HEMK2: variants seen among roughly 807,000 people sequenced by gnomAD.
HEMK2 encodes the protein HemK methyltransferase 2, ETF1 glutamine and histone H4 lysine, also known as methyltransferase HEMK2.
chr21:28,841,190 A>AATAT, the HEMK2 span, among the ~76,000 whole-genome samples: 173 of 21,424 alleles, frequency 8.1e-3, 8 homozygotes, highest in East Asian at 0.075. Context: ...TATATATTAT[A>AATAT]ATATATATAT....
the HEMK2 span, among the ~76,000 whole-genome samples, chr21:28,838,972 A>AAAAAAAAATATATATATATATAT: frequency 6.9e-5 from 2 of 29,152 alleles, no homozygotes; most frequent in African/African-American, 1.9e-4. Flanking sequence ...AAAAAAAAAA[A>AAAAAAAAATATATATATATATAT]ATATATATAT....
At chr21:28,672,774 C>T in the HEMK2 span, among the ~76,000 whole-genome samples, 2 of 152,098 alleles carry the variant, frequency 1.3e-5, no homozygotes, top group African/African-American at 4.8e-5. Context: ...TCTCTCTTTC[C>T]ATTTTTCTTG....
the HEMK2 span, among the ~76,000 whole-genome samples, chr21:28,853,317 G>C: frequency 6.6e-6 from 1 of 152,102 alleles, no homozygotes; most frequent in South Asian, 2.1e-4. Context: ...TAAACTATTA[G>C]AACCTCTTTT....
At chr21:28,785,192 A>G in the HEMK2 span, among the ~76,000 whole-genome samples, 20 of 152,158 alleles carry the variant, frequency 1.3e-4, no homozygotes, top group Admixed American at 1.2e-3. Flanking sequence ...ACCACCTTTA[A>G]GAACTGTAAC....
chr21:28,605,174 A>C, the HEMK2 span, among the ~76,000 whole-genome samples: 3 of 152,200 alleles, frequency 2.0e-5, no homozygotes, highest in African/African-American at 7.2e-5. Context: ...TGGGAACCAG[A>C]AGCTTTGCAA....
the HEMK2 span, among the ~76,000 whole-genome samples, chr21:28,761,810 T>C: frequency 6.6e-6 from 1 of 151,834 alleles, no homozygotes; most frequent in Non-Finnish European, 1.5e-5. Context: ...ATCAAGAAGA[T>C]GAAAAGCAGC....
the HEMK2 span, among the ~76,000 whole-genome samples, chr21:28,660,573 C>A: frequency 6.6e-6 from 1 of 151,464 alleles, no homozygotes; most frequent in Non-Finnish European, 1.5e-5. Context: ...GGTTTATGAT[C>A]AAATTTTAAA....
chr21:28,824,359 T>C, the HEMK2 span, among the ~76,000 whole-genome samples: 2 of 152,202 alleles, frequency 1.3e-5, no homozygotes, highest in Non-Finnish European at 2.9e-5. Flanking sequence ...CTACCTTTGA[T>C]TTCCTCTCAT....
the HEMK2 span, among the ~76,000 whole-genome samples, chr21:28,638,914 C>T: frequency 2.6e-5 from 4 of 152,162 alleles, no homozygotes; most frequent in South Asian, 2.1e-4. Flanking sequence ...ATGTGGACAA[C>T]GTCATCACCA....
chr21:28,679,162 G>A, the HEMK2 span, among the ~76,000 whole-genome samples: 1 of 152,128 alleles, frequency 6.6e-6, no homozygotes, highest in African/African-American at 2.4e-5. Context: ...CTCACATGCA[G>A]AGACACATAT....
the HEMK2 span, among the ~76,000 whole-genome samples, chr21:28,725,204 T>C: frequency 6.6e-6 from 1 of 152,184 alleles, no homozygotes; most frequent in Non-Finnish European, 1.5e-5. Context: ...CAACCTAGCA[T>C]GCACCCAATA....
chr21:28,593,673 A>C, the HEMK2 span, among the ~76,000 whole-genome samples: 1 of 152,246 alleles, frequency 6.6e-6, no homozygotes, highest in Non-Finnish European at 1.5e-5. Flanking sequence ...ACAGGAGCTA[A>C]GCGAAAAAGC....
At chr21:28,846,462 G>GT in the HEMK2 span, among the ~76,000 whole-genome samples, 1 of 151,964 alleles carries the variant, frequency 6.6e-6, no homozygotes, top group Non-Finnish European at 1.5e-5. Flanking sequence ...AGCATCTATT[G>GT]TTTTTTGACT....
At chr21:28,633,541 T>G in the HEMK2 span, among the ~76,000 whole-genome samples, 13 of 152,202 alleles carry the variant, frequency 8.5e-5, no homozygotes, top group Non-Finnish European at 1.8e-4. Context: ...AGTCTGGCAG[T>G]CATACCCACA....
chr21:28,734,986 G>A, the HEMK2 span, among the ~76,000 whole-genome samples: 4 of 152,284 alleles, frequency 2.6e-5, no homozygotes, highest in African/African-American at 9.6e-5. Context: ...ACTGTGGGTT[G>A]GTCAGGTGGC....
the HEMK2 span, among the ~76,000 whole-genome samples, chr21:28,593,906 T>C: frequency 6.6e-6 from 1 of 152,170 alleles, no homozygotes. Context: ...AGTGACTTCC[T>C]TCCAAAAAAG....
the HEMK2 span, among the ~76,000 whole-genome samples, chr21:28,610,846 A>T: frequency 1.3e-5 from 2 of 152,186 alleles, no homozygotes; most frequent in Non-Finnish European, 2.9e-5. Flanking sequence ...ACAGAAAAAT[A>T]TCACAATTCT....
the HEMK2 span, among the ~76,000 whole-genome samples, chr21:28,702,757 C>A: frequency 2.2e-3 from 338 of 152,238 alleles, 2 homozygotes; most frequent in Non-Finnish European, 4.1e-3. Flanking sequence ...TTGGTGATTT[C>A]TCAAAGATCT....
At chr21:28,679,215 G>A in the HEMK2 span, among the ~76,000 whole-genome samples, 14 of 151,570 alleles carry the variant, frequency 9.2e-5, no homozygotes, top group African/African-American at 3.4e-4. Flanking sequence ...CCAAGCAAAT[G>A]GAAAACAAAA....
Sources: gnomAD v4.1 joint callset for allele counts (sites outside exome capture counted in the v4.1 genomes callset) on GRCh38, gnomAD v4.1.1 for gene constraint, MANE v1.5 for transcripts, NCBI Gene and HGNC (gene_info 2026-07-23, HGNC 2026-07-21) for gene names.